CWH43: variants seen among roughly 807,000 people sequenced by gnomAD.
CWH43 encodes PGAP2-interacting protein.
Under a neutral mutation model 85.7 loss-of-function variants are expected in CWH43, and 91 were observed. That is an observed-to-expected ratio of 1.06 (90% CI 0.90 to 1.26). The LOEUF (loss-of-function observed/expected upper bound fraction) is 1.26. Ranked by LOEUF, CWH43 falls within the 50% of genes most tolerant of loss-of-function variation. CWH43 has a pLI of 0.00. For synonymous variants in CWH43, 323 were observed against 293.6 expected, an observed-to-expected ratio of 1.10 and a Z score of -1.02; for missense variants, 869 against 839.2, an observed-to-expected ratio of 1.04 and a Z score of -0.44.
intron 10 of CWH43, 78 bp from the exon 11 acceptor site, chr4:49,030,747 T>C: frequency 7.3e-7 from 1 of 1,369,210 alleles, no homozygotes; most frequent in Non-Finnish European, 9.7e-7. Flanking sequence ...AGGTTAAGGG[T>C]CAAGAGTAAA....
intron 8 of CWH43, 145 bp downstream of exon 8, chr4:49,007,471 C>G: frequency 9.4e-7 from 1 of 1,060,780 alleles, no homozygotes; most frequent in Non-Finnish European, 1.3e-6. Flanking sequence ...TAGCTATCTT[C>G]TCTAGTTTTT....
rs756117951 is a variant in CWH43, at chr4:49,038,142, A to C, written c.1765A>C (p.Arg589=). Reference sequence around the variant, plus strand: ...ATATATCACTTCAGCACCTGGCTCCAGAGATTATCTACAGCTCACTGAACA... The same window carrying C: ...ATATATCACTTCAGCACCTGGCTCCCGAGATTATCTACAGCTCACTGAACA... ...LGYITSAPGS[R]DYLQLTEHGN... The change falls in exon 13 of 16, where the codon AGA becomes CGA. Residue 589 remains arginine, a synonymous_variant. Transcript: ENST00000226432. The C allele has an allele frequency of 1.2e-6, 2 of 1,611,214 alleles. No homozygotes were observed. The highest frequency in any genetic ancestry group is 3.4e-5 in the Admixed American group (2 of 59,674).
intron 13 of CWH43, among the ~76,000 whole-genome samples, chr4:49,041,991 G>A (rs1039892510): frequency 6.6e-6 from 1 of 152,160 alleles, no homozygotes; most frequent in Non-Finnish European, 1.5e-5. Context: ...TTGGAAGAAG[G>A]GTAAGGCAGA....
At chr4:49,037,962 CA>C in intron 12 of CWH43, 73 bp from the exon 13 acceptor site, 4 of 1,359,878 alleles carry the variant, frequency 2.9e-6, no homozygotes, top group Non-Finnish European at 4.0e-6. Flanking sequence ...TAGTCTTTGG[CA>C]ACTTAGGTAC....
chr4:49,051,267 A>G (rs1482732660), intron 15 of CWH43, among the ~76,000 whole-genome samples: 3 of 152,228 alleles, frequency 2.0e-5, no homozygotes, highest in Non-Finnish European at 4.4e-5. Context: ...GCTTAAGAAC[A>G]TGAAGTAACT....
Position 49,037,093 on chromosome 4 carries a change from A to G in CWH43, c.1659-943A>G, listed in dbSNP as rs531800882. 9.8e-5 allele frequency among the ~76,000 whole-genome samples: 15 copies of G among 152,346 alleles called. No homozygotes were observed. The South Asian group carries it at 2.7e-3, about 27-fold the overall frequency. ...ATATTAAGTTCACTTTGTTTGAAAC[A>G]TCTAGGGTGTTTCTGTTTTCCTGGC... On this transcript the variant is annotated intron_variant, in intron 12 of 15. Coordinates refer to ENST00000226432, the MANE Select transcript of CWH43 (RefSeq NM_025087.3).
chr4:49,031,717 G>A (rs1253373398), intron 11 of CWH43, among the ~76,000 whole-genome samples: 1 of 152,156 alleles, frequency 6.6e-6, no homozygotes, highest in Non-Finnish European at 1.5e-5. Flanking sequence ...ATGACAATGG[G>A]AACAGTGGAG....
intron 9 of CWH43, among the ~76,000 whole-genome samples, chr4:49,020,768 T>C (rs1034064681): frequency 6.6e-5 from 10 of 152,210 alleles, no homozygotes; most frequent in Non-Finnish European, 1.5e-4. Context: ...AGTAAGGTAG[T>C]ATCACATTGT....
chr4:49,034,704 A>G (rs1219505016), intron 12 of CWH43, among the ~76,000 whole-genome samples: 3 of 152,166 alleles, frequency 2.0e-5, no homozygotes, highest in Non-Finnish European at 4.4e-5. Flanking sequence ...GAATCAGACA[A>G]TCTGGTTTGA....
At position 49,044,794 on chromosome 4, in the gene CWH43, C is replaced by T. The variant is rs1369127222; in HGVS notation, c.1812C>T (p.Asp604=). ...TCTCTGCTCTTTATTAGGATATCGA[C>T]AGCACTGATCATGACAGATGGTGTG... ...LTEHGNVKDI[D]STDHDRWCEY... The change falls in exon 14 of 16, where the codon GAC becomes GAT. Residue 604 remains aspartate (D), a synonymous_variant. Transcript: ENST00000226432. 6.2e-7 allele frequency: 1 copy of T among 1,612,762 alleles called. No individual in the cohort carries two copies. Among genetic ancestry groups the T allele is most frequent in the South Asian group, 1.1e-5 (1 of 91,002 alleles).
At chr4:48,986,739 C>CA (rs1185078899) in intron 1 of CWH43, 1 of 1,309,976 alleles carries the variant, frequency 7.6e-7, no homozygotes, top group Non-Finnish European at 9.7e-7. Context: ...GGATTGTGCC[C>CA]AAGGAGCGCG....
intron 1 of CWH43, among the ~76,000 whole-genome samples, chr4:48,988,029 C>T (rs1216813686): frequency 6.6e-6 from 1 of 152,150 alleles, no homozygotes; most frequent in African/African-American, 2.4e-5. Flanking sequence ...AATAAAGAGA[C>T]TGTCTACAGC....
intron 4 of CWH43, among the ~76,000 whole-genome samples, chr4:48,993,113 T>C (rs1474379617): frequency 6.6e-6 from 1 of 152,216 alleles, no homozygotes; most frequent in African/African-American, 2.4e-5. Context: ...ACCCAGTTCC[T>C]GGCTGGCAGT....
chr4:49,021,915 T>C (rs1276958486), intron 9 of CWH43, among the ~76,000 whole-genome samples: 1 of 152,174 alleles, frequency 6.6e-6, no homozygotes, highest in Non-Finnish European at 1.5e-5. Context: ...ATCTTGAAAC[T>C]TTGCTGAATT....
At chr4:49,013,989 T>A (rs1458366184) in intron 8 of CWH43, among the ~76,000 whole-genome samples, 2 of 152,198 alleles carry the variant, frequency 1.3e-5, no homozygotes, top group African/African-American at 4.8e-5. Flanking sequence ...ATGTGAATAA[T>A]GGTCTCCACC....
chr4:49,044,645 C>G, intron 13 of CWH43, 141 bp from the exon 14 acceptor site: 2 of 595,410 alleles, frequency 3.4e-6, no homozygotes, highest in South Asian at 5.1e-5. Context: ...TAATTTGGAC[C>G]AAAAAAGATC....
At position 49,039,186 on chromosome 4, in the gene CWH43, C is replaced by A. The variant is rs188856182; in HGVS notation, c.1803+1006C>A. 7.8e-3 allele frequency among the ~76,000 whole-genome samples: 1,094 copies of A among 140,318 alleles called. 52 individuals are homozygous for A. The highest frequency in any genetic ancestry group is 0.072 in the Admixed American group (1,012 of 14,006). The allele number at this position is 140,318 out of a possible 152,430, so 92.1% of individuals were successfully genotyped here. A position where few individuals can be genotyped will look rare whatever the true frequency, so the allele number is the denominator to read the frequency against. On this transcript the variant is annotated intron_variant, in intron 13 of 15. Coordinates refer to ENST00000226432, the MANE Select transcript of CWH43 (RefSeq NM_025087.3). Reference sequence around the variant, plus strand: ...AGAATGGCTAATTAGCCAACAGGGCCCCAGCAGATGACACTGAATTACTCT... The same window carrying A: ...AGAATGGCTAATTAGCCAACAGGGCACCAGCAGATGACACTGAATTACTCT...
Position 48,988,603 on chromosome 4 carries a change from T to C in CWH43, c.170T>C (p.Ile57Thr). The change falls in exon 2 of 16, where the codon ATT becomes ACT. Residue 57 changes from isoleucine to threonine, a missense_variant. Around this residue, in one of 3 missense-constraint regions of CWH43, gnomAD observed 140 missense variants for 122.6 expected, o/e 1.14. Transcript: ENST00000226432. ...IAFLSPIFLT[I>T]TPFWKLVNKK... ...TTTCTTTCTCCAATATTCCTAACAA[T>C]TACTCCTTTCTGGAAATTGGTTAAC... The C allele has an allele frequency of 6.2e-7, 1 of 1,613,502 alleles. No homozygotes were observed. Among genetic ancestry groups the C allele is most frequent in the South Asian group, 1.1e-5 (1 of 91,020 alleles).
chr4:49,019,043 T>A (rs1194539645), intron 9 of CWH43, among the ~76,000 whole-genome samples: 4 of 152,336 alleles, frequency 2.6e-5, no homozygotes, highest in African/African-American at 9.6e-5. Flanking sequence ...CCTGTTCTTT[T>A]GGTCATTTGC....
Sources: gnomAD v4.1 joint callset for allele counts (sites outside exome capture counted in the v4.1 genomes callset) on GRCh38, gnomAD v4.1.1 for gene constraint, gnomAD v4.1.1 regional missense constraint, MANE v1.5 for transcripts, NCBI Gene and HGNC (gene_info 2026-07-23, HGNC 2026-07-21) for gene names.